Variants in JAKMIP1 observed in about 807,000 individuals in gnomAD.
The protein encoded by JAKMIP1 is janus kinase and microtubule interacting protein 1, also known as janus kinase and microtubule-interacting protein 1.
JAKMIP1 carries 33 observed loss-of-function variants against 113.0 expected under a neutral mutation model. The ratio of observed to expected loss-of-function variants is 0.29; its 90% CI spans 0.22 to 0.39. The LOEUF (loss-of-function observed/expected upper bound fraction) is 0.39, where lower values mean the gene tolerates loss of function less well. JAKMIP1 is among the 10% of genes least tolerant of loss of function. The pLI, the probability that JAKMIP1 is intolerant of heterozygous loss-of-function variation, is 1.00. For missense variants in JAKMIP1, 813 were observed against 1,080.5 expected, an observed-to-expected ratio of 0.75 and a Z score of 3.47; for synonymous variants, 480 against 459.9, an observed-to-expected ratio of 1.04 and a Z score of -0.56.
chr4:6,126,653 A>G (rs1717705658), intron 1 of JAKMIP1, among the ~76,000 whole-genome samples: 1 of 146,854 alleles, frequency 6.8e-6, no homozygotes, highest in African/African-American at 2.5e-5. Context: ...GCAGAAACAC[A>G]CCACACATGC....
In JAKMIP1 at chr4:6,158,920, C is replaced by T. The variant is rs986264392; in HGVS notation, c.-148+41333G>A. On this transcript the variant is annotated intron_variant, in intron 1 of 20. Transcript: ENST00000409021. This position sits in a 1 kb window ranked among gnomAD's most constrained non-coding sequence, Gnocchi z 5.3. ...CCTGACCAACATGGTGAAACCCCAT[C>T]TCTACAAAAAATACAAAAATTAGCG... 1.3e-5 allele frequency among the ~76,000 whole-genome samples: 2 copies of T among 151,990 alleles called. No homozygotes were observed. Among genetic ancestry groups the T allele is most frequent in the East Asian group, 3.9e-4 (2 of 5,182 alleles).
At chr4:6,125,644 C>T (rs1255457616) in intron 1 of JAKMIP1, among the ~76,000 whole-genome samples, 3 of 137,528 alleles carry the variant, frequency 2.2e-5, no homozygotes, top group Non-Finnish European at 4.6e-5. Context: ...ACACACCATA[C>T]ACACCATGCA....
intron 5 of JAKMIP1, among the ~76,000 whole-genome samples, chr4:6,082,985 AG>A (rs71640241): frequency 1.2e-4 from 19 of 152,220 alleles, no homozygotes; most frequent in Non-Finnish European, 2.1e-4. Flanking sequence ...AATACACAGC[AG>A]GGAAAAAAAT....
At chr4:6,028,996 G>A (rs760214423) in intron 20 of JAKMIP1, among the ~76,000 whole-genome samples, 8 of 152,208 alleles carry the variant, frequency 5.3e-5, no homozygotes, top group Non-Finnish European at 8.8e-5. Context: ...ACAGCCATCC[G>A]GTGGAAGAAG....
At chr4:6,166,660 T>C (rs146852457) in intron 1 of JAKMIP1, among the ~76,000 whole-genome samples, 1 of 152,384 alleles carries the variant, frequency 6.6e-6, no homozygotes, top group Non-Finnish European at 1.5e-5. Flanking sequence ...TGCGGCATTT[T>C]ATGTGAATCT....
chr4:6,128,266 G>T (rs1256943078), intron 1 of JAKMIP1, among the ~76,000 whole-genome samples: 1 of 152,206 alleles, frequency 6.6e-6, no homozygotes, highest in East Asian at 1.9e-4. Context: ...GTGAAAGGAG[G>T]ATCTCTCACT....
chr4:6,140,052 G>C lies in JAKMIP1; in HGVS notation c.-147-27055C>G, dbSNP rs1304674271. ...ATCCGTTTGTCTTGTGTATTCCATG[G>C]TACAGCGGCCCTAGGAAACGAATAT... On this transcript the variant is annotated intron_variant, in intron 1 of 20. Coordinates refer to ENST00000409021, the MANE Select transcript of JAKMIP1 (RefSeq NM_001099433.2). The surrounding 1 kb of genome is among the most constrained non-coding windows in gnomAD (Gnocchi z 9.4). 6.6e-6 allele frequency among the ~76,000 whole-genome samples: 1 copy of C among 152,066 alleles called. No homozygotes were observed. The highest frequency in any genetic ancestry group is 1.5e-5 in the Non-Finnish European group (1 of 68,018).
chr4:6,176,344 G>A lies in JAKMIP1; in HGVS notation c.-148+23909C>T, dbSNP rs1725337802. On this transcript the variant is annotated intron_variant, in intron 1 of 20. Coordinates refer to ENST00000409021, the MANE Select transcript of JAKMIP1 (RefSeq NM_001099433.2). The surrounding 1 kb of genome is among the most constrained non-coding windows in gnomAD (Gnocchi z 5.5). ...TTTAGGCTGTGTCCTGGTCTGGTGGGGTATGAAGATCCCTGAGGTGAACCA... is the reference window on the plus strand; with the variant it reads ...TTTAGGCTGTGTCCTGGTCTGGTGGAGTATGAAGATCCCTGAGGTGAACCA... Among the ~76,000 whole-genome samples the A allele has an allele frequency of 6.6e-6, 1 of 152,148 alleles. No individual in the cohort carries two copies. Among genetic ancestry groups the A allele is most frequent in the Non-Finnish European group, 1.5e-5 (1 of 68,028 alleles).
chr4:6,065,385 C>CATG lies in JAKMIP1; in HGVS notation c.1303-378_1303-377insCAT, dbSNP rs1717920271. Among the ~76,000 whole-genome samples, 5 of 152,324 alleles carry CATG rather than the reference C, an allele frequency of 3.3e-5. No homozygotes were observed. The highest frequency in any genetic ancestry group is 6.5e-5 in the Admixed American group (1 of 15,300). ...CATGCCCTGTGCCCAGAAAGCAGCCCAGCACTCCGTCACGCTCCATGAGCA... is the reference window on the plus strand; with the variant it reads ...CATGCCCTGTGCCCAGAAAGCAGCCCATGAGCACTCCGTCACGCTCCATGAGCA... On this transcript the variant is annotated intron_variant, in intron 8 of 20. Coordinates refer to ENST00000409021, the MANE Select transcript of JAKMIP1 (RefSeq NM_001099433.2). This position sits in a 1 kb window ranked among gnomAD's most constrained non-coding sequence, Gnocchi z 5.1.
chr4:6,126,371 G>GCACAAACACACACCATGCAGAAACACACA (rs149868835), intron 1 of JAKMIP1, among the ~76,000 whole-genome samples: 305 of 117,248 alleles, frequency 2.6e-3, no homozygotes, highest in African/African-American at 4.3e-3. Context: ...ACACACACAT[G>GCACAAACACACACCATGCAGAAACACACA]CACAAACACA....
intron 5 of JAKMIP1, among the ~76,000 whole-genome samples, chr4:6,083,184 C>T (rs970136756): frequency 5.9e-5 from 9 of 152,150 alleles, no homozygotes; most frequent in African/African-American, 1.9e-4. Context: ...AGGCAGATCA[C>T]TTGAGGTCAG....
rs570200572 is a variant in JAKMIP1, at chr4:6,117,766, T to C, written c.-147-4769A>G. On this transcript the variant is annotated intron_variant, in intron 1 of 20. Transcript: ENST00000409021. ...GAGACCTACCCCTAGGTGCGCATTCTCTTTCTCAGGGACGTTCCATGCTGA... is the reference window on the plus strand; with the variant it reads ...GAGACCTACCCCTAGGTGCGCATTCCCTTTCTCAGGGACGTTCCATGCTGA... 2.4e-3 allele frequency among the ~76,000 whole-genome samples: 373 copies of C among 152,254 alleles called. 8 individuals are homozygous for C. The East Asian group carries it at 0.05, about 20-fold the overall frequency.
At position 6,143,466 on chromosome 4, in the gene JAKMIP1, C is replaced by T. The variant is rs1720436917; in HGVS notation, c.-147-30469G>A. 6.6e-6 allele frequency among the ~76,000 whole-genome samples: 1 copy of T among 152,186 alleles called. No individual in the cohort carries two copies. Among genetic ancestry groups the T allele is most frequent in the Admixed American group, 6.5e-5 (1 of 15,286 alleles). On this transcript the variant is annotated intron_variant, in intron 1 of 20. Coordinates refer to ENST00000409021, the MANE Select transcript of JAKMIP1 (RefSeq NM_001099433.2). This position sits in a 1 kb window ranked among gnomAD's most constrained non-coding sequence, Gnocchi z 4.9. ...GGGTCCCCTCTGGAGCCAGCATGTG[C>T]CACCTCACACTCCACAATGGGACAA...
rs1713997843 is a variant in JAKMIP1 at position 6,106,557 on chromosome 4, TTC to T, written c.130-592_130-591del. Among the ~76,000 whole-genome samples the T allele has an allele frequency of 6.6e-6, 1 of 151,670 alleles. No individual in the cohort carries two copies. Among genetic ancestry groups the T allele is most frequent in the Non-Finnish European group, 1.5e-5 (1 of 67,928 alleles). Reference sequence around the variant, plus strand: ...CCTCTCTCCTCTCTCTCTCTCTCTCTTCCTCTCTCTCTCCTCTGTTTTATCAT... The same window carrying T: ...CCTCTCTCCTCTCTCTCTCTCTCTCTCTCTCTCTCTCCTCTGTTTTATCAT... On this transcript the variant is annotated intron_variant, in intron 2 of 20. Transcript: ENST00000409021. The surrounding 1 kb of genome is among the most constrained non-coding windows in gnomAD (Gnocchi z 5.9).
Position 6,168,737 on chromosome 4 carries a change from A to G in JAKMIP1, c.-148+31516T>C, listed in dbSNP as rs903847318. 1.3e-5 allele frequency among the ~76,000 whole-genome samples: 2 copies of G among 151,788 alleles called. No homozygotes were observed. Among genetic ancestry groups the G allele is most frequent in the Admixed American group, 6.6e-5 (1 of 15,222 alleles). ...AAATCCATGTCTCTACAAAAAAAAA[A>G]CAAAACACAAAAATTAGCCAGGCCT... On this transcript the variant is annotated intron_variant, in intron 1 of 20. Coordinates refer to ENST00000409021, the MANE Select transcript of JAKMIP1 (RefSeq NM_001099433.2). The surrounding 1 kb of genome is among the most constrained non-coding windows in gnomAD (Gnocchi z 4.6).
At chr4:6,028,760 A>AC (rs1247418095) in intron 20 of JAKMIP1, among the ~76,000 whole-genome samples, 1 of 152,214 alleles carries the variant, frequency 6.6e-6, no homozygotes, top group Admixed American at 6.5e-5. Context: ...CTCTTCGAGC[A>AC]CAGGCATGCC....
rs1308834047 is a variant in JAKMIP1 at position 6,137,546 on chromosome 4, G to C, written c.-147-24549C>G. ...GGAAATCAGGAGCTGTGATTTGGTT[G>C]AACGTTCCAGATGGCCTCACTCGAG... On this transcript the variant is annotated intron_variant, in intron 1 of 20. Transcript: ENST00000409021. The surrounding 1 kb of genome is among the most constrained non-coding windows in gnomAD (Gnocchi z 4.5). 6.6e-6 allele frequency among the ~76,000 whole-genome samples: 1 copy of C among 152,218 alleles called. No individual in the cohort carries two copies. The highest frequency in any genetic ancestry group is 1.5e-5 in the Non-Finnish European group (1 of 68,044).
intron 8 of JAKMIP1, among the ~76,000 whole-genome samples, chr4:6,074,560 G>A (rs1185194195): frequency 3.3e-5 from 5 of 152,230 alleles, no homozygotes; most frequent in Admixed American, 1.3e-4. Flanking sequence ...ATGGGGGACT[G>A]GTTCTAGAAC....
chr4:6,118,224 T>G (rs1399269600), intron 1 of JAKMIP1, among the ~76,000 whole-genome samples: 1 of 152,332 alleles, frequency 6.6e-6, no homozygotes, highest in African/African-American at 2.4e-5. Flanking sequence ...ACAATCCACG[T>G]TCTTCTGCCA....
Sources: gnomAD v4.1 joint callset for allele counts (sites outside exome capture counted in the v4.1 genomes callset) on GRCh38, gnomAD v4.1.1 for gene constraint, Gnocchi (gnomAD v3.1) non-coding constraint, MANE v1.5 for transcripts, NCBI Gene and HGNC (gene_info 2026-07-23, HGNC 2026-07-21) for gene names.